Variants in PI4K2B observed in about 807,000 individuals in gnomAD.
PI4K2B encodes phosphatidylinositol 4-kinase type 2 beta.
A neutral mutation model predicts 56.6 loss-of-function variants in PI4K2B; 46 were observed. That is an observed-to-expected ratio of 0.81 (90% CI 0.64 to 1.04). The LOEUF (loss-of-function observed/expected upper bound fraction) is 1.04, where lower values mean the gene tolerates loss of function less well. PI4K2B is among the 50% of genes least tolerant of loss of function. The pLI is 0.00. For synonymous variants in PI4K2B, 211 were observed against 223.8 expected, an observed-to-expected ratio of 0.94 and a Z score of 0.51; for missense variants, 556 against 607.7, an observed-to-expected ratio of 0.91 and a Z score of 0.89.
intron 7 of PI4K2B, among the ~76,000 whole-genome samples, chr4:25,265,532 C>T (rs978406372): frequency 2.0e-5 from 3 of 152,128 alleles, no homozygotes; most frequent in South Asian, 2.1e-4. Flanking sequence ...GGCTAAATCA[C>T]GGGTTGCACA....
chr4:25,258,140 A>G (rs1270167878), intron 4 of PI4K2B, among the ~76,000 whole-genome samples: 2 of 151,720 alleles, frequency 1.3e-5, no homozygotes, highest in African/African-American at 4.8e-5. Flanking sequence ...ACCGCTATCA[A>G]TATTATGATT....
At chr4:25,276,879 G>T (rs1717118171) in intron 9 of PI4K2B, 135 bp from the exon 10 acceptor site, 2 of 1,355,892 alleles carry the variant, frequency 1.5e-6, no homozygotes, top group Non-Finnish European at 9.6e-7. Context: ...TTTATAACAG[G>T]TACTTATCTT....
intron 7 of PI4K2B, among the ~76,000 whole-genome samples, chr4:25,265,575 A>G (rs1239620685): frequency 6.6e-6 from 1 of 152,048 alleles, no homozygotes; most frequent in African/African-American, 2.4e-5. Flanking sequence ...TTACATACTC[A>G]TATTTTCTGA....
At chr4:25,269,564 G>A (rs961654745) in intron 9 of PI4K2B, among the ~76,000 whole-genome samples, 42 of 151,184 alleles carry the variant, frequency 2.8e-4, no homozygotes, top group Admixed American at 6.6e-4. Flanking sequence ...GCTTGAACTC[G>A]GGAGGCAGAG....
chr4:25,271,870 C>T (rs1716909017), intron 9 of PI4K2B, among the ~76,000 whole-genome samples: 1 of 152,176 alleles, frequency 6.6e-6, no homozygotes, highest in Non-Finnish European at 1.5e-5. Flanking sequence ...TGTCTGAGTG[C>T]AGTGGCTCAT....
Position 25,263,808 on chromosome 4 carries a change from G to A in PI4K2B, c.1037G>A (p.Gly346Asp), listed in dbSNP as rs138879345. The A allele has an allele frequency of 1.3e-6, 2 of 1,539,550 alleles. No individual in the cohort carries two copies. Among genetic ancestry groups the A allele is most frequent in the Non-Finnish European group, 1.8e-6 (2 of 1,114,014 alleles). ...ATTAAAATAGCTGCAATTGATAATG[G>A]TCTAGCATTTCCTTTTAAACATCCT... ...FLIKIAAIDN[G>D]LAFPFKHPDE... The change falls in exon 7 of 10, where the codon GGT becomes GAT. Residue 346 changes from glycine to aspartate, a missense_variant. Transcript: ENST00000264864.
At chr4:25,249,742 G>T (rs558950029) in intron 1 of PI4K2B, among the ~76,000 whole-genome samples, 1 of 151,666 alleles carries the variant, frequency 6.6e-6, no homozygotes, top group African/African-American at 2.4e-5. Flanking sequence ...CAGACGGGGC[G>T]GCGGGGCAGA....
chr4:25,234,176 TC>T lies in PI4K2B; in HGVS notation c.15del (p.Glu6SerfsTer42), dbSNP rs1715127600. The T allele has an allele frequency of 7.2e-7, 1 of 1,398,290 alleles. No homozygotes were observed. The highest frequency in any genetic ancestry group is 1.5e-5 in the African/African-American group (1 of 66,934). The allele number at this position is 1,398,290 out of a possible 1,614,324, so 86.6% of individuals were successfully genotyped here. ...GCAGAGGGAGTCCATGGAGGATCCC[TC>T]CGAGCCCGACCGGTTGGCGTCCGCG... MEDP[S>X]EPDRLASADG... is the part of the protein sequence containing the mutation. On this transcript the variant is annotated frameshift_variant, in exon 1 of 10. Coordinates refer to ENST00000264864, the MANE Select transcript of PI4K2B (RefSeq NM_018323.4). LOFTEE classifies it high-confidence loss of function.
intron 1 of PI4K2B, among the ~76,000 whole-genome samples, chr4:25,234,758 A>C (rs73252564): frequency 6.6e-6 from 1 of 152,230 alleles, no homozygotes; most frequent in Admixed American, 6.5e-5. Flanking sequence ...TCCTTGCTCA[A>C]GTTTGGACTT....
intron 1 of PI4K2B, among the ~76,000 whole-genome samples, chr4:25,244,666 T>A (rs1715682690): frequency 6.6e-6 from 1 of 152,142 alleles, no homozygotes; most frequent in South Asian, 2.1e-4. Flanking sequence ...CCTGAGTGTT[T>A]CCCATCTGAA....
chr4:25,269,963 G>C (rs556678285), intron 9 of PI4K2B, among the ~76,000 whole-genome samples: 1 of 151,980 alleles, frequency 6.6e-6, no homozygotes, highest in Non-Finnish European at 1.5e-5. Flanking sequence ...TGATCTGCCC[G>C]CCTCAGCCTC....
At chr4:25,269,976 A>G (rs1716817858) in intron 9 of PI4K2B, among the ~76,000 whole-genome samples, 1 of 152,096 alleles carries the variant, frequency 6.6e-6, no homozygotes, top group Non-Finnish European at 1.5e-5. Flanking sequence ...TCAGCCTCCC[A>G]AAGTGCTGGC....
At chr4:25,274,369 C>A (rs1717023198) in intron 9 of PI4K2B, among the ~76,000 whole-genome samples, 1 of 152,138 alleles carries the variant, frequency 6.6e-6, no homozygotes, top group African/African-American at 2.4e-5. Flanking sequence ...AGTGTCTCCC[C>A]TGGCCTGCAG....
chr4:25,252,359 G>A lies in PI4K2B; in HGVS notation c.307G>A (p.Asp103Asn). The A allele has an allele frequency of 1.2e-6, 2 of 1,608,822 alleles. No homozygotes were observed. The highest frequency in any genetic ancestry group is 1.1e-5 in the South Asian group (1 of 90,960). The part of the protein sequence containing the change: ...GTSEMNAFLD[D>N]PEFADIMLRA... ...TTCAGAGATGAATGCATTCTTGGAT[G>A]ACCCAGAATTTGCCGATATTATGCT... The change falls in exon 2 of 10, where the codon GAC becomes AAC. Residue 103 changes from aspartate to asparagine, a missense_variant. Coordinates refer to ENST00000264864, the MANE Select transcript of PI4K2B (RefSeq NM_018323.4).
intron 7 of PI4K2B, among the ~76,000 whole-genome samples, chr4:25,265,841 T>C (rs2109021939): frequency 6.6e-6 from 1 of 152,366 alleles, no homozygotes; most frequent in South Asian, 2.1e-4. Context: ...TTCTGTCTGC[T>C]AACCTGAAGG....
intron 7 of PI4K2B, among the ~76,000 whole-genome samples, chr4:25,264,169 C>T (rs968788632): frequency 4.6e-5 from 7 of 152,136 alleles, no homozygotes; most frequent in Middle Eastern, 3.4e-3. Flanking sequence ...TTACGTTTTT[C>T]GTTGTATTCA....
At chr4:25,248,928 G>T (rs1211402556) in intron 1 of PI4K2B, among the ~76,000 whole-genome samples, 1 of 152,066 alleles carries the variant, frequency 6.6e-6, no homozygotes, top group Non-Finnish European at 1.5e-5. Context: ...GTGAACAAAG[G>T]TCTCTGGTTT....
chr4:25,261,548 T>C (rs1716478706), intron 6 of PI4K2B, among the ~76,000 whole-genome samples: 1 of 152,202 alleles, frequency 6.6e-6, no homozygotes, highest in African/African-American at 2.4e-5. Flanking sequence ...ATTTATGTTC[T>C]CAAGTAATGA....
intron 1 of PI4K2B, among the ~76,000 whole-genome samples, chr4:25,244,166 G>A (rs1411546227): frequency 6.6e-6 from 1 of 152,146 alleles, no homozygotes; most frequent in African/African-American, 2.4e-5. Flanking sequence ...AGGGAGAAGG[G>A]GACATGTACC....
Sources: gnomAD v4.1 joint callset for allele counts (sites outside exome capture counted in the v4.1 genomes callset) on GRCh38, gnomAD v4.1.1 for gene constraint, MANE v1.5 for transcripts, NCBI Gene and HGNC (gene_info 2026-07-23, HGNC 2026-07-21) for gene names.